Variants in STIM2 observed in about 807,000 individuals in gnomAD.
STIM2 encodes the protein stromal interaction molecule 2.
STIM2 carries 31 observed loss-of-function variants against 85.8 expected under a neutral mutation model. The observed-to-expected ratio is 0.36, with a 90% CI of 0.27 to 0.49. STIM2 has a LOEUF of 0.49. Ranked by LOEUF, STIM2 falls within the 20% of genes least tolerant of loss-of-function variation. The probability of loss-of-function intolerance (pLI) is 0.98; values close to 1 mark genes in which losing one functional copy is unlikely to be tolerated. For missense variants in STIM2, 841 were observed against 927.6 expected (o/e 0.91, Z 1.21); for synonymous variants, 356 against 331.1 (o/e 1.08, Z -0.82).
chr4:26,931,132 A>G (rs1024522821), intron 2 of STIM2, among the ~76,000 whole-genome samples: 2 of 152,168 alleles, frequency 1.3e-5, no homozygotes, highest in East Asian at 3.9e-4. Flanking sequence ...AGTTTATAAC[A>G]TGACAATGGG....
At chr4:26,986,344 T>G (rs539137363) in intron 3 of STIM2, among the ~76,000 whole-genome samples, 1 of 152,174 alleles carries the variant, frequency 6.6e-6, no homozygotes, top group Non-Finnish European at 1.5e-5. Context: ...CCCACAGTAT[T>G]TAGGTGATTT....
intron 1 of STIM2, among the ~76,000 whole-genome samples, chr4:26,911,446 C>G (rs1161435876): frequency 6.6e-6 from 1 of 152,090 alleles, no homozygotes; most frequent in Non-Finnish European, 1.5e-5. Flanking sequence ...TTCTAAGAGG[C>G]AGTCATCAGT....
chr4:26,976,554 T>C (rs1727204361), intron 3 of STIM2, among the ~76,000 whole-genome samples: 1 of 152,056 alleles, frequency 6.6e-6, no homozygotes. Flanking sequence ...TATGCTGTAA[T>C]CCCAGCAGTT....
In STIM2 at chr4:26,861,196, T is replaced by TGCG. The variant is rs780097792; in HGVS notation, c.-13_-11dup. 3.1e-4 allele frequency: 445 copies of TGCG among 1,446,688 alleles called. 1 individual carries two copies. The highest frequency in any genetic ancestry group is 1.4e-3 in the African/African-American group (95 of 68,230). The allele number at this position is 1,446,688 out of a possible 1,614,324, so 89.6% of individuals were successfully genotyped here. A position where few individuals can be genotyped will look rare whatever the true frequency, so the allele number is the denominator to read the frequency against. ...CCTGGCCCAGCGTGGGGCTGGCTGC[T>TGCG]GCGGCGGCGGCGCTGGGCTGCGTTG... On this transcript the variant is annotated 5_prime_UTR_variant, in exon 1 of 12. Coordinates refer to ENST00000467087, the MANE Select transcript of STIM2 (RefSeq NM_020860.4).
At chr4:26,877,498 A>C (rs1722855091) in intron 1 of STIM2, among the ~76,000 whole-genome samples, 1 of 148,174 alleles carries the variant, frequency 6.7e-6, no homozygotes. Flanking sequence ...TGTTTGCTTT[A>C]TCTCTTGACG....
At chr4:26,869,085 A>G (rs1322957847) in intron 1 of STIM2, among the ~76,000 whole-genome samples, 2 of 152,106 alleles carry the variant, frequency 1.3e-5, no homozygotes, top group Non-Finnish European at 2.9e-5. Flanking sequence ...ACTTGAGCCC[A>G]GGACTTCGAG....
intron 3 of STIM2, among the ~76,000 whole-genome samples, chr4:26,977,486 G>A (rs1289736350): frequency 2.0e-5 from 3 of 152,148 alleles, no homozygotes; most frequent in African/African-American, 7.2e-5. Flanking sequence ...GAGGAGAAGG[G>A]GTCAGGAGTA....
intron 7 of STIM2, among the ~76,000 whole-genome samples, chr4:27,006,814 CAG>C (rs1728377492): frequency 1.3e-5 from 2 of 152,158 alleles, no homozygotes; most frequent in South Asian, 2.1e-4. Flanking sequence ...AGTAGACTCT[CAG>C]AATCTGTTTT....
intron 3 of STIM2, among the ~76,000 whole-genome samples, chr4:26,972,260 A>G (rs1294155258): frequency 6.6e-6 from 1 of 152,172 alleles, no homozygotes; most frequent in Non-Finnish European, 1.5e-5. Flanking sequence ...TACCCTGGCC[A>G]CAACTCCCAA....
chr4:26,962,949 T>C (rs1420616951), intron 3 of STIM2, among the ~76,000 whole-genome samples: 1 of 152,184 alleles, frequency 6.6e-6, no homozygotes, highest in Non-Finnish European at 1.5e-5. Context: ...AGTCTTAACC[T>C]ACCTAAGGTC....
intron 3 of STIM2, among the ~76,000 whole-genome samples, chr4:26,979,462 G>C (rs1347561204): frequency 3.3e-5 from 5 of 152,150 alleles, no homozygotes; most frequent in African/African-American, 1.2e-4. Context: ...GTTACACTTT[G>C]TACTGAAGCT....
At chr4:26,864,140 T>C (rs1314847810) in intron 1 of STIM2, among the ~76,000 whole-genome samples, 1 of 152,102 alleles carries the variant, frequency 6.6e-6, no homozygotes, top group Non-Finnish European at 1.5e-5. Flanking sequence ...CAGGTTTATA[T>C]TTTCTTTTCC....
At chr4:26,862,110 G>A (rs1383602044) in intron 1 of STIM2, among the ~76,000 whole-genome samples, 1 of 152,144 alleles carries the variant, frequency 6.6e-6, no homozygotes, top group Non-Finnish European at 1.5e-5. Context: ...AGTTCTGATA[G>A]ACTGCACTAG....
rs1286783002 is a variant in STIM2, at chr4:26,964,128, G to A, written c.397+6402G>A. 3.9e-5 allele frequency among the ~76,000 whole-genome samples: 6 copies of A among 152,118 alleles called. 1 individual carries two copies. In the East Asian group the frequency reaches 1.2e-3, roughly 29 times the overall value. On this transcript the variant is annotated intron_variant, in intron 3 of 11. Transcript: ENST00000467087. ...TGAGTTGGAGAATACTGGGAGATTG[G>A]GTCAGAGAAGGAGACCAGACTGTAG...
intron 2 of STIM2, among the ~76,000 whole-genome samples, chr4:26,930,505 T>G: frequency 6.6e-6 from 1 of 152,144 alleles, no homozygotes; most frequent in African/African-American, 2.4e-5. Context: ...TTGATATACA[T>G]ATATAAAACA....
chr4:26,956,687 CAGA>C (rs60379491), intron 2 of STIM2, among the ~76,000 whole-genome samples: 4,366 of 151,924 alleles, frequency 0.029, 128 homozygotes, highest in African/African-American at 0.079. Context: ...TTAAAAAAGG[CAGA>C]AGAACATAGA....
chr4:26,987,840 T>C (rs1196817323), intron 3 of STIM2, among the ~76,000 whole-genome samples: 1 of 152,264 alleles, frequency 6.6e-6, no homozygotes, highest in Non-Finnish European at 1.5e-5. Context: ...CTGTTAGTAC[T>C]ATATGTCTGA....
intron 1 of STIM2, among the ~76,000 whole-genome samples, chr4:26,902,029 A>T (rs745348551): frequency 6.6e-6 from 1 of 152,180 alleles, no homozygotes; most frequent in Non-Finnish European, 1.5e-5. Context: ...CCTGTATTTC[A>T]TGCTGTGGAG....
rs772003238 is a variant in STIM2 at position 27,022,944 on chromosome 4, A to G, written c.2189A>G (p.Lys730Arg). Residue 730 changes from lysine (K) to arginine (R), a missense_variant, in exon 12 of 12, where the codon AAA becomes AGA. Physicochemically the swap from Lys to Arg is conservative, Grantham distance 26. Transcript: ENST00000467087. ...CATGACCTTTGTCATAATGGAGAGAAAAGCAAAAAGCCATCAAAAATCAAA... is the reference window on the plus strand; with the variant it reads ...CATGACCTTTGTCATAATGGAGAGAGAAGCAAAAAGCCATCAAAAATCAAA... The G allele has an allele frequency of 1.5e-5, 25 of 1,613,868 alleles. No homozygotes were observed. Among genetic ancestry groups the G allele is most frequent in the Middle Eastern group, 1.6e-4 (1 of 6,084 alleles).
Sources: allele counts gnomAD v4.1 joint callset (sites outside exome capture counted in the v4.1 genomes callset), GRCh38; gene constraint gnomAD v4.1.1; transcripts MANE v1.5; gene names NCBI Gene and HGNC (gene_info 2026-07-23, HGNC 2026-07-21).